Variants in ACOT11 observed in about 807,000 individuals in gnomAD.
The protein encoded by ACOT11 is acyl-coenzyme A thioesterase 11.
ACOT11 carries 69 observed loss-of-function variants against 77.5 expected under a neutral mutation model. The observed-to-expected ratio is 0.89, with a 90% CI of 0.73 to 1.09. The LOEUF (loss-of-function observed/expected upper bound fraction) is 1.09, where lower values mean the gene tolerates loss of function less well. ACOT11 is among the 50% of genes least tolerant of loss of function. The pLI, the probability that ACOT11 is intolerant of heterozygous loss-of-function variation, is 0.00. For missense variants in ACOT11, 766 were observed against 813.7 expected (o/e 0.94, Z 0.71); for synonymous variants, 279 against 313.0 (o/e 0.89, Z 1.15).
intron 3 of ACOT11, among the ~76,000 whole-genome samples, chr1:54,589,233 T>G (rs544859689): frequency 6.6e-6 from 1 of 151,954 alleles, no homozygotes; most frequent in African/African-American, 2.4e-5. Context: ...ATCAGGCTGG[T>G]CTTGAATTCC....
Position 54,575,794 on chromosome 1 carries a change from C to T in ACOT11, c.34-8861C>T, listed in dbSNP as rs543473838. Among the ~76,000 whole-genome samples the T allele has an allele frequency of 1.1e-4, 17 of 152,280 alleles. 1 individual carries two copies. The highest frequency in any genetic ancestry group is 6.2e-4 in the South Asian group (3 of 4,830). ...GGGATAAGGAGCATTACAGAGATGG[C>T]GGAGCAGGACAAGTGTTCCAGGCAG... On this transcript the variant is annotated intron_variant, in intron 1 of 15. Coordinates refer to ENST00000343744, the MANE Select transcript of ACOT11 (RefSeq NM_147161.4).
chr1:54,573,758 G>A (rs577559408), intron 1 of ACOT11, among the ~76,000 whole-genome samples: 2 of 151,640 alleles, frequency 1.3e-5, no homozygotes, highest in South Asian at 2.1e-4. Context: ...GTGGCTGGGC[G>A]GTGACTCACA....
intron 11 of ACOT11, 100 bp downstream of exon 11, chr1:54,604,037 G>A: frequency 2.7e-6 from 3 of 1,107,354 alleles, no homozygotes; most frequent in Non-Finnish European, 4.1e-6. Context: ...GGGAGAGCAG[G>A]ATATGAATGA....
chr1:54,595,187 A>C (rs1654855437), intron 6 of ACOT11, among the ~76,000 whole-genome samples: 2 of 152,072 alleles, frequency 1.3e-5, no homozygotes, highest in Non-Finnish European at 2.9e-5. Context: ...TCTCTACTAA[A>C]AATACAAAAT....
chr1:54,564,857 A>G (rs449484), intron 1 of ACOT11, among the ~76,000 whole-genome samples: 42,153 of 152,030 alleles, frequency 0.28, 8,900 homozygotes, highest in African/African-American at 0.59. Context: ...GCTTCGTGCC[A>G]GGTAGCTTAA....
intron 1 of ACOT11, among the ~76,000 whole-genome samples, chr1:54,557,717 A>G (rs1391871600): frequency 6.6e-6 from 1 of 152,126 alleles, no homozygotes; most frequent in Non-Finnish European, 1.5e-5. Context: ...TGACTTTTGT[A>G]TGTTGATTTT....
chr1:54,611,570 C>A (rs1445026959), downstream of ACOT11: 5 of 1,609,362 alleles, frequency 3.1e-6, no homozygotes, highest in African/African-American at 5.3e-5. Context: ...CATGCAGAAT[C>A]CAGCCCACAC....
chr1:54,579,601 C>T (rs1654232674), intron 1 of ACOT11, among the ~76,000 whole-genome samples: 1 of 152,180 alleles, frequency 6.6e-6, no homozygotes, highest in African/African-American at 2.4e-5. Flanking sequence ...TAGTCAGCTC[C>T]CTCATACTGC....
At chr1:54,623,692 C>T (rs1346624046) in intron 15 of ACOT11, 5 of 266,602 alleles carry the variant, frequency 1.9e-5, no homozygotes, top group Non-Finnish European at 2.8e-5. Context: ...AATGTTGGAC[C>T]GAGCCCCGAC....
chr1:54,562,113 C>T (rs1653527476), intron 1 of ACOT11, among the ~76,000 whole-genome samples: 1 of 64,710 alleles, frequency 1.5e-5, no homozygotes, highest in Non-Finnish European at 2.8e-5. Flanking sequence ...ACCTCCCTCC[C>T]GGACGGGGCG....
chr1:54,615,471 TGGTAGTCAA>T (rs1222315932), intron 15 of ACOT11, among the ~76,000 whole-genome samples: 2 of 151,888 alleles, frequency 1.3e-5, no homozygotes, highest in African/African-American at 4.8e-5. Context: ...TGTGTGGTCA[TGGTAGTCAA>T]GGGAAGCCTG....
chr1:54,573,611 T>C (rs1462459413), intron 1 of ACOT11, among the ~76,000 whole-genome samples: 1 of 152,194 alleles, frequency 6.6e-6, no homozygotes, highest in African/African-American at 2.4e-5. Context: ...CACACACCTG[T>C]AATCCCAGCT....
chr1:54,611,503 C>T (rs545147108), downstream of ACOT11: 4 of 1,236,704 alleles, frequency 3.2e-6, no homozygotes, highest in African/African-American at 5.9e-5. Flanking sequence ...CCCCGGCCTT[C>T]CCCCTTCTGA....
Position 54,601,342 on chromosome 1 carries a change from T to C in ACOT11, c.958T>C (p.Phe320Leu), listed in dbSNP as rs760714831. 6.2e-7 allele frequency: 1 copy of C among 1,613,754 alleles called. No individual in the cohort carries two copies. The highest frequency in any genetic ancestry group is 8.5e-7 in the Non-Finnish European group (1 of 1,180,014). Residue 320 changes from phenylalanine to leucine, a missense_variant, in exon 9 of 16, where the codon TTT becomes CTT. Physicochemically the swap from Phe to Leu is conservative, Grantham distance 22 (BLOSUM62 0). Transcript: ENST00000343744. The stretch of plus-strand genomic sequence containing the variant: ...CCACCGGCGCCACATCAACAGTGCC[T>C]TTATGACCTTTGTGGTCCTGGACGC... ...ETHRRHINSA[F>L]MTFVVLDADD...
intron 15 of ACOT11, among the ~76,000 whole-genome samples, chr1:54,616,757 C>T (rs1183903416): frequency 1.3e-5 from 2 of 152,106 alleles, no homozygotes; most frequent in Non-Finnish European, 2.9e-5. Flanking sequence ...TTTCCACGAT[C>T]TTTTTTTATG....
chr1:54,589,942 G>A (rs149161758), intron 3 of ACOT11, among the ~76,000 whole-genome samples: 3 of 152,002 alleles, frequency 2.0e-5, no homozygotes, highest in Admixed American at 6.6e-5. Context: ...CAAAAAATTC[G>A]CCGGGCATGG....
rs116595794 is a variant in ACOT11, at chr1:54,584,914, G to T, written c.241+52G>T. On this transcript the variant is annotated intron_variant, in intron 2 of 15. Transcript: ENST00000343744. This position sits in a 1 kb window ranked among gnomAD's most constrained non-coding sequence, Gnocchi z 6.3. Reference sequence around the variant, plus strand: ...TACCTGCCCCACAGGCCCAGAGCAGGGGCCGTGCTTTCAGAGATGGTCACC... The same window carrying T: ...TACCTGCCCCACAGGCCCAGAGCAGTGGCCGTGCTTTCAGAGATGGTCACC... 1,637 of 1,546,994 alleles carry T rather than the reference G, an allele frequency of 1.1e-3. 14 individuals carry two copies. In the African/African-American group the frequency reaches 0.019, roughly 18 times the overall value.
At chr1:54,632,907 A>G (rs898632216) in intron 16 of ACOT11, among the ~76,000 whole-genome samples, 1 of 152,182 alleles carries the variant, frequency 6.6e-6, no homozygotes, top group African/African-American at 2.4e-5. Flanking sequence ...TCAACCAATT[A>G]TAACTTCTGT....
chr1:54,623,190 G>A (rs966610047), intron 15 of ACOT11: 5 of 840,040 alleles, frequency 6.0e-6, no homozygotes, highest in Non-Finnish European at 9.6e-6. Flanking sequence ...AAAAAAAAAG[G>A]GACTGGTCAG....
Sources: allele counts gnomAD v4.1 joint callset (sites outside exome capture counted in the v4.1 genomes callset), GRCh38; gene constraint gnomAD v4.1.1; non-coding constraint Gnocchi (gnomAD v3.1); transcripts MANE v1.5; gene names NCBI Gene and HGNC (gene_info 2026-07-23, HGNC 2026-07-21).